GABRB2: variants seen among roughly 807,000 people sequenced by gnomAD.
GABRB2 encodes the protein gamma-aminobutyric acid type A receptor subunit beta2, also known as gamma-aminobutyric acid receptor subunit beta-2.
Under a neutral mutation model 54.7 loss-of-function variants are expected in GABRB2, and 16 were observed. That is an observed-to-expected ratio of 0.29 (90% confidence interval 0.20 to 0.44). The LOEUF is 0.44. Among genes scored for constraint, GABRB2 ranks in the 20% least tolerant of loss-of-function variants. The pLI, the probability that GABRB2 is intolerant of heterozygous loss-of-function variation, is 1.00. For synonymous variants in GABRB2, 244 were observed against 233.8 expected, an observed-to-expected ratio of 1.04 and a Z score of -0.40; for missense variants, 355 against 644.0, an observed-to-expected ratio of 0.55 and a Z score of 4.86.
intron 5 of GABRB2, among the ~76,000 whole-genome samples, chr5:161,368,095 A>T (rs1406602436): frequency 7.1e-6 from 1 of 140,882 alleles, no homozygotes; most frequent in Non-Finnish European, 1.5e-5. Context: ...TATTTAATTT[A>T]TAATCCAATT....
chr5:161,512,765 G>A (rs1401925167), intron 3 of GABRB2, among the ~76,000 whole-genome samples: 1 of 151,934 alleles, frequency 6.6e-6, no homozygotes, highest in Admixed American at 6.6e-5. Flanking sequence ...GATTGACAGA[G>A]TAAACACATG....
At position 161,480,698 on chromosome 5, in the gene GABRB2, G is replaced by T. The variant is rs370026058; in HGVS notation, c.238-20854C>A. ...TCACCTAATTCTCAAGATGATTTGAGTCAGCTCATTTAAAACATGTTTACC... is the reference window on the plus strand; with the variant it reads ...TCACCTAATTCTCAAGATGATTTGATTCAGCTCATTTAAAACATGTTTACC... On this transcript the variant is annotated intron_variant, in intron 3 of 9. Transcript: ENST00000393959. Among the ~76,000 whole-genome samples the T allele has an allele frequency of 3.3e-5, 5 of 151,970 alleles. No homozygotes were observed. The East Asian group carries it at 7.8e-4, about 24-fold the overall frequency.
At position 161,428,738 on chromosome 5, in the gene GABRB2, T is replaced by A. The variant is rs1350763862; in HGVS notation, c.459-17681A>T. Among the ~76,000 whole-genome samples, 2 of 152,160 alleles carry A rather than the reference T, an allele frequency of 1.3e-5. 1 individual carries two copies. The highest frequency in any genetic ancestry group is 2.9e-5 in the Non-Finnish European group (2 of 68,038). The stretch of plus-strand genomic sequence containing the variant: ...AAGGCATTGTATAAAATTGTTATGA[T>A]GTGGTCTTTGACCTTAAGGACCTTA... On this transcript the variant is annotated intron_variant, in intron 4 of 9. Transcript: ENST00000393959.
chr5:161,522,339 C>T (rs1760140017), intron 3 of GABRB2, among the ~76,000 whole-genome samples: 1 of 151,736 alleles, frequency 6.6e-6, no homozygotes, highest in Non-Finnish European at 1.5e-5. Context: ...ATACAGCATC[C>T]AACAACACTA....
chr5:161,345,838 C>G (rs1427702925), intron 5 of GABRB2, among the ~76,000 whole-genome samples: 2 of 152,090 alleles, frequency 1.3e-5, no homozygotes, highest in African/African-American at 4.8e-5. Context: ...CGGTCCTTCT[C>G]TATAGCTCTT....
chr5:161,411,655 A>G (rs912283695), intron 4 of GABRB2, among the ~76,000 whole-genome samples: 1 of 152,104 alleles, frequency 6.6e-6, no homozygotes, highest in Non-Finnish European at 1.5e-5. Flanking sequence ...ATATACTCCT[A>G]TGGGATGGCA....
intron 4 of GABRB2, among the ~76,000 whole-genome samples, chr5:161,431,591 T>C (rs1324492039): frequency 6.6e-6 from 1 of 152,204 alleles, no homozygotes; most frequent in African/African-American, 2.4e-5. Flanking sequence ...TTTTGTTTCA[T>C]CACAACAATT....
At chr5:161,366,671 C>T (rs565716760) in intron 5 of GABRB2, among the ~76,000 whole-genome samples, 3 of 152,216 alleles carry the variant, frequency 2.0e-5, no homozygotes, top group East Asian at 1.9e-4. Flanking sequence ...CAAGGCCAGG[C>T]GTGATGGCTC....
At chr5:161,441,772 C>T (rs904984064) in intron 4 of GABRB2, among the ~76,000 whole-genome samples, 4 of 151,958 alleles carry the variant, frequency 2.6e-5, no homozygotes, top group Non-Finnish European at 4.4e-5. Context: ...TATTCAGCCA[C>T]AAAAAGGAAT....
At chr5:161,491,361 A>T (rs1759088479) in intron 3 of GABRB2, among the ~76,000 whole-genome samples, 6 of 151,696 alleles carry the variant, frequency 4.0e-5, no homozygotes, top group Admixed American at 4.0e-4. Context: ...AGCGTTCCTT[A>T]AGAAAGAAAT....
At chr5:161,393,476 C>A (rs1755899508) in intron 5 of GABRB2, among the ~76,000 whole-genome samples, 1 of 151,608 alleles carries the variant, frequency 6.6e-6, no homozygotes. Context: ...ACCGTCAAAG[C>A]ATACAAAAAG....
At chr5:161,387,708 A>AG (rs1755689679) in intron 5 of GABRB2, among the ~76,000 whole-genome samples, 1 of 152,186 alleles carries the variant, frequency 6.6e-6, no homozygotes, top group South Asian at 2.1e-4. Context: ...TCTTTAGGGA[A>AG]GAACTATATA....
At position 161,415,922 on chromosome 5, in the gene GABRB2, TTTTTG is replaced by T. The variant is rs10525407; in HGVS notation, c.459-4870_459-4866del. Among the ~76,000 whole-genome samples, 423 of 146,114 alleles carry T rather than the reference TTTTTG, an allele frequency of 2.9e-3. 4 individuals carry two copies. The highest frequency in any genetic ancestry group is 6.9e-3 in the African/African-American group (268 of 38,888). On this transcript the variant is annotated intron_variant, in intron 4 of 9. Transcript: ENST00000393959. ...TCCACCGCACCCGGCCCCAAGTTTGTTTTTGTTTTGTTTTGTTTTGTTTTGTTTTG... is the reference window on the plus strand; with the variant it reads ...TCCACCGCACCCGGCCCCAAGTTTGTTTTTGTTTTGTTTTGTTTTGTTTTG...
chr5:161,307,382 C>CAGCAGA (rs1757720245), intron 9 of GABRB2, among the ~76,000 whole-genome samples: 1 of 152,186 alleles, frequency 6.6e-6, no homozygotes, highest in Admixed American at 6.5e-5. Context: ...CAATAAATAT[C>CAGCAGA]TGCTGAAATA....
At chr5:161,464,730 A>AT (rs1339356551) in intron 3 of GABRB2, among the ~76,000 whole-genome samples, 2 of 152,194 alleles carry the variant, frequency 1.3e-5, no homozygotes, top group Non-Finnish European at 2.9e-5. Flanking sequence ...GAACCAACTT[A>AT]TTGATATAAG....
Position 161,294,324 on chromosome 5 carries a change from T to C in GABRB2, c.1296A>G (p.Leu432=), listed in dbSNP as rs2113333752. Residue 432 remains leucine, a synonymous_variant, in exon 10 of 10, where the codon CTA becomes CTG. Coordinates refer to ENST00000393959, the MANE Select transcript of GABRB2 (RefSeq NM_001371727.1). ...ACTGGATGCTGGAGGCATCATAGGC[T>C]AGCATTGTGCTTCTGGGGTCTCCAA... ...MGLGDPRSTM[L]AYDASSIQYR... The C allele has an allele frequency of 6.2e-7, 1 of 1,614,124 alleles. No individual in the cohort carries two copies. Among genetic ancestry groups the C allele is most frequent in the Non-Finnish European group, 8.5e-7 (1 of 1,180,002 alleles).
At chr5:161,487,127 T>C (rs1170040370) in intron 3 of GABRB2, among the ~76,000 whole-genome samples, 4 of 151,964 alleles carry the variant, frequency 2.6e-5, no homozygotes, top group Admixed American at 2.0e-4. Context: ...ATACTGAAAA[T>C]GTTCTTTTCC....
At chr5:161,390,473 T>C (rs1425959081) in intron 5 of GABRB2, among the ~76,000 whole-genome samples, 1 of 152,030 alleles carries the variant, frequency 6.6e-6, no homozygotes, top group Non-Finnish European at 1.5e-5. Context: ...GTTGGATTCA[T>C]GAACAGAAAA....
Position 161,294,290 on chromosome 5 carries a change from C to A in GABRB2, c.1330G>T (p.Ala444Ser). 6.2e-7 allele frequency: 1 copy of A among 1,614,138 alleles called. No homozygotes were observed. Among genetic ancestry groups the A allele is most frequent in the Non-Finnish European group, 8.5e-7 (1 of 1,180,012 alleles). Reference sequence around the variant, plus strand: ...CCAAAACTATGCCTGGGCAACCCAGCTTTCCGATACTGGATGCTGGAGGCA... The same window carrying A: ...CCAAAACTATGCCTGGGCAACCCAGATTTCCGATACTGGATGCTGGAGGCA... ...YDASSIQYRK[A>S]GLPRHSFGRN... The change falls in exon 10 of 10, where the codon GCT (alanine) becomes TCT (serine). Residue 444 changes from alanine to serine, a missense_variant. Around this residue, in one of 6 missense-constraint regions of GABRB2, gnomAD observed 201 missense variants for 228.1 expected, o/e 0.88. Coordinates refer to ENST00000393959, the MANE Select transcript of GABRB2 (RefSeq NM_001371727.1).
Sources: gnomAD v4.1 joint callset for allele counts (sites outside exome capture counted in the v4.1 genomes callset) on GRCh38, gnomAD v4.1.1 for gene constraint, gnomAD v4.1.1 regional missense constraint, MANE v1.5 for transcripts, NCBI Gene and HGNC (gene_info 2026-07-23, HGNC 2026-07-21) for gene names.